SQSTM1: variants seen among roughly 807,000 people sequenced by gnomAD.
SQSTM1 encodes sequestosome-1.
A neutral mutation model predicts 45.1 loss-of-function variants in SQSTM1; 36 were observed. The ratio of observed to expected loss-of-function variants is 0.80; its 90% confidence interval spans 0.61 to 1.05. SQSTM1 has a LOEUF of 1.05. Ranked by LOEUF, SQSTM1 falls within the 50% of genes least tolerant of loss-of-function variation. The pLI is 0.00. For missense variants in SQSTM1, 617 were observed against 607.1 expected (o/e 1.02, Z -0.17); for synonymous variants, 290 against 244.3 (o/e 1.19, Z -1.74).
intron 5 of SQSTM1, among the ~76,000 whole-genome samples, chr5:179,829,996 G>C (rs143069872): frequency 1.8e-4 from 28 of 152,320 alleles, no homozygotes; most frequent in East Asian, 1.7e-3. Context: ...TATGGCCCCA[G>C]CTACGTGGGA....
chr5:179,836,526 C>T lies in SQSTM1; in HGVS notation c.1256C>T (p.Thr419Ile). The change falls in exon 8 of 8, where the codon ACC becomes ATC. Residue 419 changes from threonine (T) to isoleucine (I), a missense_variant. Transcript: ENST00000389805. ...EGGWLTRLLQ[T>I]KNYDIGAALD... ...GGCTGGCTCACCAGGCTCCTGCAGA[C>T]CAAGAACTATGACATCGGAGCGGCT... The T allele has an allele frequency of 1.2e-6, 2 of 1,614,238 alleles. No individual in the cohort carries two copies. Among genetic ancestry groups the T allele is most frequent in the South Asian group, 1.1e-5 (1 of 91,084 alleles).
upstream of SQSTM1, chr5:179,820,835 C>T (rs2113478836): frequency 5.9e-6 from 7 of 1,180,728 alleles, no homozygotes; most frequent in Middle Eastern, 2.9e-4. Context: ...GCGCGAGAGA[C>T]TCCGCCCCTC....
At position 179,837,159 on chromosome 5, in the gene SQSTM1, T is replaced by TCCAAA. The variant is rs1395248846; in HGVS notation, c.*570_*574dup. On this transcript the variant is annotated 3_prime_UTR_variant, in exon 8 of 8. Transcript: ENST00000389805. ...TCTTCACCACTGTAGTTCTCTCATTTCCAAACCATCAGCTGCTTTTAAAAT... is the reference window on the plus strand; with the variant it reads ...TCTTCACCACTGTAGTTCTCTCATTTCCAAACCAAACCATCAGCTGCTTTTAAAAT... 2 of 1,460,826 alleles carry TCCAAA rather than the reference T, an allele frequency of 1.4e-6. No individual in the cohort carries two copies. The highest frequency in any genetic ancestry group is 4.9e-5 in the East Asian group (2 of 40,602). The allele number at this position is 1,460,826 out of a possible 1,614,324, so 90.5% of individuals were successfully genotyped here. A position where few individuals can be genotyped will look rare whatever the true frequency, so the allele number is the denominator to read the frequency against.
chr5:179,830,805 C>G (rs1286580722), intron 5 of SQSTM1, among the ~76,000 whole-genome samples: 1 of 151,914 alleles, frequency 6.6e-6, no homozygotes, highest in African/African-American at 2.4e-5. Flanking sequence ...ATCTACCTGC[C>G]TTCGTCTCCC....
At chr5:179,830,854 C>T (rs919602785) in intron 5 of SQSTM1, among the ~76,000 whole-genome samples, 1 of 152,024 alleles carries the variant, frequency 6.6e-6, no homozygotes, top group African/African-American at 2.4e-5. Context: ...CTGTGCCCAG[C>T]CCCGTGCCCA....
At chr5:179,828,766 T>G (rs1402303654) in intron 5 of SQSTM1, among the ~76,000 whole-genome samples, 1 of 152,174 alleles carries the variant, frequency 6.6e-6, no homozygotes, top group Non-Finnish European at 1.5e-5. Context: ...TAAGCCTGCT[T>G]TTACCTCTGC....
chr5:179,811,272 C>A (rs1328528145), intron 1 of SQSTM1, among the ~76,000 whole-genome samples: 1 of 150,960 alleles, frequency 6.6e-6, no homozygotes, highest in Non-Finnish European at 1.5e-5. Flanking sequence ...CCACACCTGC[C>A]TAAGCACTGG....
At chr5:179,834,336 C>T (rs1020269513) in intron 7 of SQSTM1, among the ~76,000 whole-genome samples, 10 of 152,044 alleles carry the variant, frequency 6.6e-5, no homozygotes, top group African/African-American at 1.9e-4. Context: ...TGTGGGCCGC[C>T]GCTGTGTGTC....
chr5:179,809,473 A>AT (rs1757327270), intron 1 of SQSTM1, among the ~76,000 whole-genome samples: 1 of 150,254 alleles, frequency 6.7e-6, no homozygotes, highest in Non-Finnish European at 1.5e-5. Context: ...AGTAGCTGGG[A>AT]TTACAGGTGC....
chr5:179,837,743 G>A lies in SQSTM1; in HGVS notation c.*1150G>A, dbSNP rs1198001257. The A allele has an allele frequency of 6.2e-7, 1 of 1,614,262 alleles. No homozygotes were observed. The highest frequency in any genetic ancestry group is 8.5e-7 in the Non-Finnish European group (1 of 1,180,050). On this transcript the variant is annotated 3_prime_UTR_variant, in exon 8 of 8. Transcript: ENST00000389805. ...TGGCAGGACAAATTGCGCCCATTTA[G>A]AGGATGTGGCTGTAACCTGCTGGAT...
chr5:179,826,340 T>C (rs1031130868), intron 5 of SQSTM1, among the ~76,000 whole-genome samples: 1 of 151,962 alleles, frequency 6.6e-6, no homozygotes, highest in African/African-American at 2.4e-5. Flanking sequence ...AAGTTTTGTA[T>C]TTTTTTAGTA....
In SQSTM1 at chr5:179,833,233, A is replaced by AG; in HGVS notation, c.960dup (p.Arg321AlafsTer3). 6.3e-7 allele frequency: 1 copy of AG among 1,587,826 alleles called. No homozygotes were observed. The highest frequency in any genetic ancestry group is 8.5e-7 in the Non-Finnish European group (1 of 1,169,814). On this transcript the variant is annotated frameshift_variant, in exon 6 of 8. Coordinates refer to ENST00000389805, the MANE Select transcript of SQSTM1 (RefSeq NM_003900.5). LOFTEE classifies it high-confidence loss of function. Reference sequence around the variant, plus strand: ...ATGAGGAAGATCGCCTTGGAGTCCGAGGGGCGCCCTGAGGCAAGCCTGTGC... The same window carrying AG: ...ATGAGGAAGATCGCCTTGGAGTCCGAGGGGGCGCCCTGAGGCAAGCCTGTGC...
At chr5:179,828,009 C>T (rs1379670279) in intron 5 of SQSTM1, among the ~76,000 whole-genome samples, 3 of 152,158 alleles carry the variant, frequency 2.0e-5, no homozygotes, top group Admixed American at 1.3e-4. Flanking sequence ...CTACAGGCCC[C>T]GAAGCCACAG....
At chr5:179,834,310 C>T (rs995524780) in intron 7 of SQSTM1, among the ~76,000 whole-genome samples, 1 of 151,628 alleles carries the variant, frequency 6.6e-6, no homozygotes, top group East Asian at 1.9e-4. Flanking sequence ...AACCAAGGTC[C>T]GTGTGCACAA....
chr5:179,806,476 G>A lies in SQSTM1; in HGVS notation c.-272G>A. ...TGCGCCAGGTGCGGGCCGGGCGGGG[G>A]TCGCGCTCACCTTTCTGGCCGCTGA... On this transcript the variant is annotated 5_prime_UTR_variant, in exon 1 of 6. Coordinates refer to the SQSTM1 transcript ENST00000514093. This position sits in a 1 kb window ranked among gnomAD's most constrained non-coding sequence, Gnocchi z 4.6. 4 of 1,278,832 alleles carry A rather than the reference G, an allele frequency of 3.1e-6. No individual in the cohort carries two copies. The highest frequency in any genetic ancestry group is 2.8e-5 in the Admixed American group (1 of 36,066). The allele number at this position is 1,278,832 out of a possible 1,614,324, so 79.2% of individuals were successfully genotyped here. A position where few individuals can be genotyped will look rare whatever the true frequency, so the allele number is the denominator to read the frequency against.
At chr5:179,817,740 T>G (rs1471094929), upstream of SQSTM1, among the ~76,000 whole-genome samples, 1 of 152,034 alleles carries the variant, frequency 6.6e-6, no homozygotes, top group Non-Finnish European at 1.5e-5. Flanking sequence ...GCCGGGCGGG[T>G]GGCTCACGCC....
chr5:179,836,120 G>T, intron 7 of SQSTM1: 1 of 480,378 alleles, frequency 2.1e-6, no homozygotes. Flanking sequence ...GTAATAATTG[G>T]CTAACTGGCC....
rs556809765 is a variant in SQSTM1, at chr5:179,822,630, G to A, written c.206-328G>A. On this transcript the variant is annotated intron_variant, in intron 1 of 7. Coordinates refer to ENST00000389805, the MANE Select transcript of SQSTM1 (RefSeq NM_003900.5). ...GTTGAAGACGGACATGGGCCTGGTC[G>A]GATGGGGAATGAGGTGGCACGTTTC... 3.7e-4 allele frequency: 141 copies of A among 377,120 alleles called. 1 individual carries two copies. The highest frequency in any genetic ancestry group is 2.6e-3 in the African/African-American group (125 of 47,756). 23.4% of individuals were successfully genotyped at this position (377,120 alleles called of 1,614,324 possible). A position where few individuals can be genotyped will look rare whatever the true frequency, so the allele number is the denominator to read the frequency against.
upstream of SQSTM1, among the ~76,000 whole-genome samples, chr5:179,818,174 GAA>G (rs768855121): frequency 1.9e-4 from 29 of 152,220 alleles, no homozygotes; most frequent in Non-Finnish European, 4.0e-4. Flanking sequence ...GAGAGCCAGG[GAA>G]AAGTCACCAG....
Sources: gnomAD v4.1 joint callset for allele counts (sites outside exome capture counted in the v4.1 genomes callset) on GRCh38, gnomAD v4.1.1 for gene constraint, Gnocchi (gnomAD v3.1) non-coding constraint, MANE v1.5 for transcripts, NCBI Gene and HGNC (gene_info 2026-07-23, HGNC 2026-07-21) for gene names.